Variants in SNX10 observed in about 807,000 individuals in gnomAD.
SNX10 encodes sorting nexin 10, also known as sorting nexin-10.
A neutral mutation model predicts 28.5 loss-of-function variants in SNX10; 25 were observed. The ratio of observed to expected loss-of-function variants is 0.88; its 90% CI spans 0.64 to 1.22. The LOEUF (loss-of-function observed/expected upper bound fraction) is 1.22. Among genes scored for constraint, SNX10 ranks in the 50% most tolerant of loss-of-function variants. SNX10 has a pLI of 0.00. For missense variants in SNX10, 223 were observed against 242.6 expected, an observed-to-expected ratio of 0.92 and a Z score of 0.54; for synonymous variants, 62 against 81.4, an observed-to-expected ratio of 0.76 and a Z score of 1.28.
chr7:26,334,254 T>G (rs1787842867), intron 1 of SNX10, among the ~76,000 whole-genome samples: 1 of 152,234 alleles, frequency 6.6e-6, no homozygotes, highest in South Asian at 2.1e-4. Flanking sequence ...CAATGTGTAA[T>G]GATCAGATCA....
At chr7:26,336,556 A>G (rs906721126) in intron 1 of SNX10, among the ~76,000 whole-genome samples, 4 of 152,078 alleles carry the variant, frequency 2.6e-5, no homozygotes, top group African/African-American at 9.7e-5. Context: ...ATACAAAAAA[A>G]TTAGCCGGGC....
chr7:26,353,314 C>T (rs2128016482), intron 2 of SNX10, among the ~76,000 whole-genome samples: 1 of 152,058 alleles, frequency 6.6e-6, no homozygotes, highest in Non-Finnish European at 1.5e-5. Context: ...TGATATATTC[C>T]TTTTGCCCTT....
chr7:26,340,546 T>C (rs1356071800), intron 1 of SNX10, among the ~76,000 whole-genome samples: 3 of 152,238 alleles, frequency 2.0e-5, no homozygotes, highest in East Asian at 3.8e-4. Context: ...GGAAGCTTTC[T>C]CCTCGAGTTT....
At chr7:26,316,116 AG>A (rs1320158707) in intron 1 of SNX10, among the ~76,000 whole-genome samples, 7 of 151,236 alleles carry the variant, frequency 4.6e-5, no homozygotes, top group African/African-American at 1.7e-4. Flanking sequence ...CCCCAGAGGC[AG>A]AGCTTGCAGT....
At chr7:26,308,745 C>T (rs1187126560) in intron 1 of SNX10, among the ~76,000 whole-genome samples, 1 of 152,088 alleles carries the variant, frequency 6.6e-6, no homozygotes, top group Non-Finnish European at 1.5e-5. Flanking sequence ...AGTTTATAGC[C>T]AGTGAGTCAG....
At chr7:26,299,733 ATT>A (rs910724293) in intron 1 of SNX10, among the ~76,000 whole-genome samples, 1 of 150,994 alleles carries the variant, frequency 6.6e-6, no homozygotes, top group African/African-American at 2.4e-5. Flanking sequence ...CTATATTTCT[ATT>A]TTTTTCCCCA....
intron 5 of SNX10, among the ~76,000 whole-genome samples, chr7:26,371,491 ACTTT>A (rs1269902156): frequency 2.0e-5 from 3 of 152,284 alleles, no homozygotes; most frequent in African/African-American, 7.2e-5. Context: ...AAGTAGAATA[ACTTT>A]CTATGACTAT....
intron 1 of SNX10, among the ~76,000 whole-genome samples, chr7:26,295,318 T>G (rs547965916): frequency 6.6e-6 from 1 of 152,240 alleles, no homozygotes; most frequent in African/African-American, 2.4e-5. Flanking sequence ...CACCTCAGCC[T>G]CCCAAAGTGC....
At chr7:26,335,702 T>C (rs1456351091) in intron 1 of SNX10, among the ~76,000 whole-genome samples, 1 of 151,388 alleles carries the variant, frequency 6.6e-6, no homozygotes, top group Non-Finnish European at 1.5e-5. Flanking sequence ...GAACTAAACA[T>C]TGAATTTAAA....
intron 1 of SNX10, among the ~76,000 whole-genome samples, chr7:26,331,025 C>G (rs74745977): frequency 1.3e-5 from 2 of 152,110 alleles, no homozygotes; most frequent in African/African-American, 4.8e-5. Flanking sequence ...GTGGCATGCA[C>G]TTATAGTCCC....
intron 1 of SNX10, among the ~76,000 whole-genome samples, chr7:26,308,669 A>T (rs1432638216): frequency 1.3e-5 from 2 of 152,122 alleles, no homozygotes; most frequent in Non-Finnish European, 2.9e-5. Context: ...ATAATAAACC[A>T]GTAATAAGTT....
chr7:26,302,100 TTGACATCAG>T (rs1786391856), intron 1 of SNX10, among the ~76,000 whole-genome samples: 1 of 152,156 alleles, frequency 6.6e-6, no homozygotes, highest in South Asian at 2.1e-4. Flanking sequence ...CATTTTAACT[TTGACATCAG>T]TGGTGTGAGG....
chr7:26,341,884 T>C (rs1788188848), intron 1 of SNX10, among the ~76,000 whole-genome samples: 1 of 152,112 alleles, frequency 6.6e-6, no homozygotes, highest in South Asian at 2.1e-4. Flanking sequence ...GGCTTAGTTT[T>C]GTCAGGGAGC....
chr7:26,319,990 T>A (rs879406688), intron 1 of SNX10, among the ~76,000 whole-genome samples: 26 of 151,986 alleles, frequency 1.7e-4, no homozygotes, highest in African/African-American at 2.9e-4. Flanking sequence ...TTAATTAATT[T>A]ATTTATTTTG....
chr7:26,297,073 T>C (rs777104668), intron 1 of SNX10, among the ~76,000 whole-genome samples: 20 of 146,950 alleles, frequency 1.4e-4, no homozygotes, highest in Non-Finnish European at 3.0e-4. Context: ...TTAAAATATA[T>C]GTAAATATAG....
At position 26,299,933 on chromosome 7, in the gene SNX10, G is replaced by A. The variant is rs550588630; in HGVS notation, c.-24+7847G>A. Among the ~76,000 whole-genome samples the A allele has an allele frequency of 5.9e-5, 9 of 152,044 alleles. No homozygotes were observed. In the South Asian group the frequency reaches 1.0e-3, roughly 18 times the overall value. On this transcript the variant is annotated intron_variant, in intron 1 of 6. Transcript: ENST00000338523. ...AACTTTTAAAAAGAATAGAAAAGCC[G>A]GGCATGGTGGCTCACGCCTGTAATC...
At chr7:26,312,561 G>T (rs960908873) in intron 1 of SNX10, among the ~76,000 whole-genome samples, 1 of 152,136 alleles carries the variant, frequency 6.6e-6, no homozygotes, top group Non-Finnish European at 1.5e-5. Context: ...CGAGGCTGTC[G>T]GATCACAAGG....
intron 2 of SNX10, chr7:26,360,630 T>C: frequency 4.2e-6 from 1 of 240,682 alleles, no homozygotes. Context: ...TAAGAAATGA[T>C]CACTTTTTAA....
chr7:26,298,413 A>C (rs577783290), intron 1 of SNX10, among the ~76,000 whole-genome samples: 1 of 152,358 alleles, frequency 6.6e-6, no homozygotes, highest in African/African-American at 2.4e-5. Flanking sequence ...AAAAACCATG[A>C]AACCTTTTTG....
Sources: gnomAD v4.1 joint callset for allele counts (sites outside exome capture counted in the v4.1 genomes callset) on GRCh38, gnomAD v4.1.1 for gene constraint, MANE v1.5 for transcripts, NCBI Gene and HGNC (gene_info 2026-07-23, HGNC 2026-07-21) for gene names.